The following DAB1 variants were observed in gnomAD, a reference collection of about 807,000 sequenced individuals.
DAB1 encodes disabled homolog 1.
DAB1 carries 15 observed loss-of-function variants against 64.6 expected under a neutral mutation model. That is an observed-to-expected ratio of 0.23 (90% confidence interval 0.16 to 0.36). The LOEUF (loss-of-function observed/expected upper bound fraction) is 0.36, where lower values mean the gene tolerates loss of function less well. Among genes scored for constraint, DAB1 ranks in the 10% least tolerant of loss-of-function variants. The pLI is 1.00. For synonymous variants in DAB1, 235 were observed against 251.9 expected, an observed-to-expected ratio of 0.93 and a Z score of 0.64; for missense variants, 596 against 706.7, an observed-to-expected ratio of 0.84 and a Z score of 1.78.
At chr1:57,155,219 G>A (rs1660094737) in intron 2 of DAB1, among the ~76,000 whole-genome samples, 1 of 152,086 alleles carries the variant, frequency 6.6e-6, no homozygotes, top group Admixed American at 6.5e-5. Flanking sequence ...CAAGAGAAAG[G>A]GTCTACTTTC....
At chr1:57,938,196 C>T (rs904862906) in intron 5 of DAB1, among the ~76,000 whole-genome samples, 1 of 152,210 alleles carries the variant, frequency 6.6e-6, no homozygotes, top group African/African-American at 2.4e-5. Context: ...CCTTTCTGAA[C>T]TTTAGCAGCT....
chr1:58,072,607 C>T (rs766467318), intron 5 of DAB1, among the ~76,000 whole-genome samples: 1 of 151,582 alleles, frequency 6.6e-6, no homozygotes, highest in African/African-American at 2.4e-5. Context: ...GAAGAACAAA[C>T]CTTCAAGCAC....
chr1:57,027,155 T>C (rs930598329), intron 9 of DAB1, among the ~76,000 whole-genome samples: 2 of 152,158 alleles, frequency 1.3e-5, no homozygotes, highest in Non-Finnish European at 2.9e-5. Context: ...TGTTCTTTCC[T>C]ACTGGCAAGT....
At chr1:58,501,780 C>T (rs1645910332) in intron 3 of DAB1, among the ~76,000 whole-genome samples, 1 of 152,250 alleles carries the variant, frequency 6.6e-6, no homozygotes, top group Middle Eastern at 3.4e-3. Flanking sequence ...ATTTTGAAGT[C>T]CCAACCTCCA....
chr1:57,004,943 A>T (rs895089473), intron 14 of DAB1, among the ~76,000 whole-genome samples: 2 of 152,220 alleles, frequency 1.3e-5, no homozygotes, highest in African/African-American at 2.4e-5. Flanking sequence ...CTCGTATAAC[A>T]TGAAGTATCT....
At chr1:57,054,634 C>T (rs34564117) in intron 9 of DAB1, among the ~76,000 whole-genome samples, 10 of 152,090 alleles carry the variant, frequency 6.6e-5, no homozygotes, top group Non-Finnish European at 1.0e-4. Flanking sequence ...CCCGCCACCA[C>T]GCCCGGCTAA....
chr1:57,175,783 A>G (rs918849359), intron 2 of DAB1, among the ~76,000 whole-genome samples: 10 of 152,194 alleles, frequency 6.6e-5, no homozygotes. Flanking sequence ...GACAATGCAG[A>G]GCGTACCAGG....
At chr1:57,369,180 T>G (rs1558253374) in intron 1 of DAB1, among the ~76,000 whole-genome samples, 1 of 152,208 alleles carries the variant, frequency 6.6e-6, no homozygotes, top group Non-Finnish European at 1.5e-5. Context: ...TCTCCAGGCC[T>G]AGGTCTTCAT....
At chr1:57,120,580 C>G (rs1472081867) in intron 4 of DAB1, among the ~76,000 whole-genome samples, 4 of 152,170 alleles carry the variant, frequency 2.6e-5, no homozygotes, top group Admixed American at 6.6e-5. Context: ...TCTTTCCAAA[C>G]TGAAACTCTG....
At chr1:57,851,931 T>C (rs150462994) in intron 1 of DAB1, among the ~76,000 whole-genome samples, 3 of 152,290 alleles carry the variant, frequency 2.0e-5, no homozygotes, top group East Asian at 1.9e-4. Flanking sequence ...CTTTCCTAAT[T>C]GCCTCTCCCC....
At chr1:57,548,638 T>G (rs1433119106) in intron 7 of DAB1, among the ~76,000 whole-genome samples, 1 of 152,218 alleles carries the variant, frequency 6.6e-6, no homozygotes, top group African/African-American at 2.4e-5. Context: ...CTGAAAAGAA[T>G]AGCACACAAT....
intron 5 of DAB1, among the ~76,000 whole-genome samples, chr1:57,962,889 C>CA (rs533517596): frequency 4.3e-4 from 65 of 149,560 alleles, no homozygotes; most frequent in Non-Finnish European, 7.4e-4. Context: ...AAAAACAAAA[C>CA]AAAAAAAAAT....
chr1:58,323,234 TATAATA>T (rs146067591), intron 4 of DAB1, among the ~76,000 whole-genome samples: 2,319 of 145,656 alleles, frequency 0.016, 33 homozygotes, highest in African/African-American at 0.03. Context: ...GAACTTAAAG[TATAATA>T]ATAATAATAA....
At chr1:57,948,234 T>A (rs1205918397) in intron 5 of DAB1, among the ~76,000 whole-genome samples, 1 of 152,330 alleles carries the variant, frequency 6.6e-6, no homozygotes, top group African/African-American at 2.4e-5. Flanking sequence ...ATCGTGTAAC[T>A]GAACACACAA....
intron 1 of DAB1, among the ~76,000 whole-genome samples, chr1:58,542,271 G>C (rs190689247): frequency 2.0e-5 from 3 of 152,266 alleles, no homozygotes; most frequent in Admixed American, 2.0e-4. Flanking sequence ...GAACCAAGCT[G>C]AAAAATTGTT....
chr1:57,438,394 G>T (rs1363315454), intron 7 of DAB1, among the ~76,000 whole-genome samples: 1 of 150,674 alleles, frequency 6.6e-6, no homozygotes, highest in Non-Finnish European at 1.5e-5. Context: ...ATAGTGGTTT[G>T]TTTTTTTTTC....
chr1:57,284,317 T>G (rs1429785143), intron 2 of DAB1, among the ~76,000 whole-genome samples: 1 of 152,206 alleles, frequency 6.6e-6, no homozygotes, highest in Non-Finnish European at 1.5e-5. Context: ...CGTGGATGAC[T>G]AGAGTCAGAA....
chr1:57,450,474 T>G (rs932120928), intron 7 of DAB1, among the ~76,000 whole-genome samples: 1 of 152,234 alleles, frequency 6.6e-6, no homozygotes, highest in African/African-American at 2.4e-5. Flanking sequence ...TATGTAGCTC[T>G]GAATATGTCA....
At chr1:57,183,778 A>G (rs1482882255) in intron 2 of DAB1, among the ~76,000 whole-genome samples, 2 of 152,212 alleles carry the variant, frequency 1.3e-5, no homozygotes, top group East Asian at 3.8e-4. Context: ...CACAATTTCC[A>G]GGAGAGATAG....
Sources: gnomAD v4.1 joint callset for allele counts (sites outside exome capture counted in the v4.1 genomes callset) on GRCh38, gnomAD v4.1.1 for gene constraint, MANE v1.5 for transcripts, NCBI Gene and HGNC (gene_info 2026-07-23, HGNC 2026-07-21) for gene names.